The following EPHB1 variants were observed in gnomAD, a reference collection of about 807,000 sequenced individuals.
EPHB1 encodes ephrin type-B receptor 1.
EPHB1 carries 30 observed loss-of-function variants against 94.4 expected under a neutral mutation model. The ratio of observed to expected loss-of-function variants is 0.32; its 90% confidence interval spans 0.24 to 0.43. The LOEUF (loss-of-function observed/expected upper bound fraction) is 0.43, where lower values mean the gene tolerates loss of function less well. Among genes scored for constraint, EPHB1 ranks in the 20% least tolerant of loss-of-function variants. The pLI, the probability that EPHB1 is intolerant of heterozygous loss-of-function variation, is 1.00. For synonymous variants in EPHB1, 522 were observed against 489.1 expected (o/e 1.07, Z -0.89); for missense variants, 1,055 against 1,308.3 (o/e 0.81, Z 2.99).
chr3:135,210,909 C>T lies in EPHB1; in HGVS notation c.2346+9220C>T, dbSNP rs7640299. On this transcript the variant is annotated intron_variant, in intron 12 of 15. Coordinates refer to ENST00000398015, the MANE Select transcript of EPHB1 (RefSeq NM_004441.5). ...GATTCTCTGTAGAGTCCAAATCAGCCGTCATCTTTGCCACTGGCTCTACTG... is the reference window on the plus strand; with the variant it reads ...GATTCTCTGTAGAGTCCAAATCAGCTGTCATCTTTGCCACTGGCTCTACTG... 2.2e-3 allele frequency among the ~76,000 whole-genome samples: 340 copies of T among 152,296 alleles called. 1 individual carries two copies. The highest frequency in any genetic ancestry group is 7.9e-3 in the African/African-American group (330 of 41,566).
chr3:134,919,051 G>A (rs2038625705), intron 1 of EPHB1, among the ~76,000 whole-genome samples: 1 of 152,216 alleles, frequency 6.6e-6, no homozygotes, highest in African/African-American at 2.4e-5. Flanking sequence ...TGGTCCTCAT[G>A]TGCAGGAATG....
At chr3:134,984,200 G>T (rs1453489467) in intron 3 of EPHB1, among the ~76,000 whole-genome samples, 1 of 152,292 alleles carries the variant, frequency 6.6e-6, no homozygotes, top group Non-Finnish European at 1.5e-5. Flanking sequence ...CATTGCCAGT[G>T]GAAAGCAGAG....
chr3:134,802,083 A>G (rs1296923265), intron 1 of EPHB1, among the ~76,000 whole-genome samples: 1 of 152,162 alleles, frequency 6.6e-6, no homozygotes, highest in Non-Finnish European at 1.5e-5. Flanking sequence ...TCATTATGGT[A>G]GAGAGAGTAG....
chr3:134,845,517 G>A (rs766369263), intron 1 of EPHB1, among the ~76,000 whole-genome samples: 25 of 152,228 alleles, frequency 1.6e-4, no homozygotes, highest in Non-Finnish European at 2.8e-4. Context: ...AGAAGTGCAG[G>A]CTCCGAGGCC....
At chr3:135,210,473 A>G (rs935141581) in intron 12 of EPHB1, among the ~76,000 whole-genome samples, 22 of 152,196 alleles carry the variant, frequency 1.4e-4, no homozygotes, top group African/African-American at 5.1e-4. Context: ...TCATTTGGGA[A>G]AGGATAGAAT....
chr3:135,254,052 T>C (rs1316161902), intron 15 of EPHB1, among the ~76,000 whole-genome samples: 2 of 105,590 alleles, frequency 1.9e-5, no homozygotes, highest in African/African-American at 7.4e-5. Context: ...GTGATTTTTG[T>C]ACATTGATTT....
chr3:134,971,513 A>G (rs1933968385), intron 3 of EPHB1, among the ~76,000 whole-genome samples: 3 of 152,334 alleles, frequency 2.0e-5, no homozygotes, highest in East Asian at 1.9e-4. Flanking sequence ...CAGCAAGCAC[A>G]CTGTTCTTAA....
intron 3 of EPHB1, among the ~76,000 whole-genome samples, chr3:135,080,513 G>A (rs939061991): frequency 1.3e-5 from 2 of 152,178 alleles, no homozygotes; most frequent in African/African-American, 2.4e-5. Flanking sequence ...GTGGGGCAAA[G>A]GTAGCATCGT....
chr3:134,966,410 A>C (rs1386844116), intron 3 of EPHB1, among the ~76,000 whole-genome samples: 4 of 152,222 alleles, frequency 2.6e-5, no homozygotes, highest in Admixed American at 2.6e-4. Context: ...CTATCATAAA[A>C]GGGGAGGAAA....
At chr3:135,097,875 G>C (rs1938864465) in intron 3 of EPHB1, among the ~76,000 whole-genome samples, 1 of 152,086 alleles carries the variant, frequency 6.6e-6, no homozygotes, top group Admixed American at 6.5e-5. Context: ...TCGTATTCTT[G>C]GCACCTTCTA....
At chr3:135,127,470 C>G (rs891161990) in intron 4 of EPHB1, among the ~76,000 whole-genome samples, 1 of 152,130 alleles carries the variant, frequency 6.6e-6, no homozygotes, top group Non-Finnish European at 1.5e-5. Flanking sequence ...GGAGGGATCC[C>G]AGGACACAGA....
intron 15 of EPHB1, among the ~76,000 whole-genome samples, chr3:135,258,196 T>C (rs965469643): frequency 6.6e-6 from 1 of 152,244 alleles, no homozygotes; most frequent in Non-Finnish European, 1.5e-5. Flanking sequence ...AGCTGTAGAC[T>C]GGAGCTGTTC....
At chr3:134,803,835 T>C (rs767972545) in intron 1 of EPHB1, among the ~76,000 whole-genome samples, 11 of 152,222 alleles carry the variant, frequency 7.2e-5, no homozygotes, top group Non-Finnish European at 1.5e-4. Context: ...TGAGCATGTG[T>C]TACCCAGGAG....
chr3:135,121,029 G>A (rs1475789066), intron 4 of EPHB1, among the ~76,000 whole-genome samples: 2 of 152,182 alleles, frequency 1.3e-5, no homozygotes, highest in Non-Finnish European at 2.9e-5. Flanking sequence ...GACTCCTCCA[G>A]TCTGGTCCAG....
chr3:134,896,920 A>T (rs1432549286), intron 1 of EPHB1, among the ~76,000 whole-genome samples: 2 of 152,190 alleles, frequency 1.3e-5, no homozygotes, highest in Non-Finnish European at 2.9e-5. Context: ...AGGGAGCTGG[A>T]TGGGGGTCCC....
intron 12 of EPHB1, among the ~76,000 whole-genome samples, chr3:135,233,623 A>C (rs544389739): frequency 6.6e-6 from 1 of 152,218 alleles, no homozygotes; most frequent in African/African-American, 2.4e-5. Flanking sequence ...CAATGCCCCA[A>C]TGGGGACTCT....
At chr3:134,952,099 ATCTGCAAGG>A in intron 3 of EPHB1, 47 bp downstream of exon 3, 4 of 1,534,934 alleles carry the variant, frequency 2.6e-6, no homozygotes, top group Non-Finnish European at 3.5e-6. Context: ...GCAGGGCCAG[ATCTGCAAGG>A]TTTCCCCACC....
chr3:135,225,858 C>A (rs1943384110), intron 12 of EPHB1, among the ~76,000 whole-genome samples: 1 of 151,950 alleles, frequency 6.6e-6, no homozygotes, highest in Non-Finnish European at 1.5e-5. Flanking sequence ...GGCAGGGAAG[C>A]AAAGACCAGG....
chr3:135,010,847 C>A (rs1261336067), intron 3 of EPHB1, among the ~76,000 whole-genome samples: 1 of 152,046 alleles, frequency 6.6e-6, no homozygotes, highest in Non-Finnish European at 1.5e-5. Context: ...CAGGAGTGAG[C>A]CACCGTGCCC....
Sources: allele counts gnomAD v4.1 joint callset (sites outside exome capture counted in the v4.1 genomes callset), GRCh38; gene constraint gnomAD v4.1.1; transcripts MANE v1.5; gene names NCBI Gene and HGNC (gene_info 2026-07-23, HGNC 2026-07-21).